The following USP34 variants were observed in gnomAD, a reference collection of about 807,000 sequenced individuals.
USP34 encodes ubiquitin carboxyl-terminal hydrolase 34.
Under a neutral mutation model 460.3 loss-of-function variants are expected in USP34, and 70 were observed. The ratio of observed to expected loss-of-function variants is 0.15; its 90% CI spans 0.13 to 0.19. The LOEUF is 0.19. Among genes scored for constraint, USP34 ranks in the 10% least tolerant of loss-of-function variants. The probability of loss-of-function intolerance (pLI) is 1.00; values close to 1 mark genes in which losing one functional copy is unlikely to be tolerated. For missense variants in USP34, 3,985 were observed against 4,236.2 expected (o/e 0.94, Z 1.65); for synonymous variants, 1,647 against 1,405.3 (o/e 1.17, Z -3.85).
intron 14 of USP34, 46 bp downstream of exon 14, chr2:61,348,710 A>T (rs778989176): frequency 6.3e-7 from 1 of 1,585,790 alleles, no homozygotes; most frequent in Non-Finnish European, 8.6e-7. Flanking sequence ...TAAACACGCC[A>T]GAAAGCCAAA....
chr2:61,306,721 T>C (rs1280600577), intron 27 of USP34, among the ~76,000 whole-genome samples: 1 of 152,172 alleles, frequency 6.6e-6, no homozygotes, highest in East Asian at 1.9e-4. Flanking sequence ...AAAATGCTCA[T>C]CATCACTGGC....
At chr2:61,468,148 T>C (rs1350220278) in intron 1 of USP34, among the ~76,000 whole-genome samples, 1 of 152,128 alleles carries the variant, frequency 6.6e-6, no homozygotes, top group East Asian at 1.9e-4. Context: ...AAACAACTTT[T>C]AATAGTGTGG....
intron 67 of USP34, among the ~76,000 whole-genome samples, chr2:61,218,006 T>C (rs554320658): frequency 6.6e-6 from 1 of 152,004 alleles, no homozygotes; most frequent in African/African-American, 2.4e-5. Flanking sequence ...AAAGGATATA[T>C]AATTTTTAAG....
At chr2:61,317,822 T>G (rs1439056338) in intron 22 of USP34, 55 bp from the exon 23 acceptor site, 3 of 1,309,602 alleles carry the variant, frequency 2.3e-6, no homozygotes, top group Middle Eastern at 1.9e-4. Context: ...ATTCACAGAT[T>G]TTATTAAATT....
At chr2:61,355,102 C>T (rs564045024) in intron 10 of USP34, among the ~76,000 whole-genome samples, 31 of 152,218 alleles carry the variant, frequency 2.0e-4, no homozygotes, top group African/African-American at 7.0e-4. Context: ...AAACCCAGCA[C>T]GAATATGCAT....
chr2:61,401,162 A>AT (rs1257092641), intron 3 of USP34, among the ~76,000 whole-genome samples: 1 of 151,478 alleles, frequency 6.6e-6, no homozygotes, highest in African/African-American at 2.4e-5. Flanking sequence ...AAAAAAAAAA[A>AT]AAAAAAATTA....
At chr2:61,292,058 A>C (rs1689870804) in intron 33 of USP34, among the ~76,000 whole-genome samples, 1 of 152,180 alleles carries the variant, frequency 6.6e-6, no homozygotes, top group Admixed American at 6.5e-5. Flanking sequence ...GCCTAGGGCT[A>C]AAGCGTTTAG....
At chr2:61,463,876 T>C (rs1470495176) in intron 1 of USP34, among the ~76,000 whole-genome samples, 1 of 151,316 alleles carries the variant, frequency 6.6e-6, no homozygotes, top group African/African-American at 2.4e-5. Context: ...GATTAAGTCC[T>C]GTGGTTCCAC....
At chr2:61,205,233 T>C (rs1687083753) in intron 72 of USP34, among the ~76,000 whole-genome samples, 1 of 152,198 alleles carries the variant, frequency 6.6e-6, no homozygotes, top group Admixed American at 6.5e-5. Flanking sequence ...TCAAAGTTCC[T>C]TTGCTTTGAG....
rs147409100 is a variant in USP34 at position 61,295,474 on chromosome 2, T to C, written c.4255-184A>G. 5.7e-3 allele frequency among the ~76,000 whole-genome samples: 863 copies of C among 152,302 alleles called. 8 individuals carry two copies. Among genetic ancestry groups the C allele is most frequent in the African/African-American group, 0.019 (808 of 41,560 alleles). On this transcript the variant is annotated intron_variant, in intron 30 of 79. Transcript: ENST00000398571. ...GTATGCTTAAAACATCAATTATGCA[T>C]TAAATTTTCTGAAAATAAACCCAAT...
At chr2:61,213,849 A>G (rs1042635206) in intron 68 of USP34, among the ~76,000 whole-genome samples, 6 of 152,216 alleles carry the variant, frequency 3.9e-5, no homozygotes, top group African/African-American at 1.4e-4. Flanking sequence ...ATGCAACTTT[A>G]ACTTCACCCT....
chr2:61,360,796 C>A (rs781308038), intron 10 of USP34, among the ~76,000 whole-genome samples: 9 of 152,136 alleles, frequency 5.9e-5, no homozygotes, highest in Non-Finnish European at 1.2e-4. Context: ...GCTGGGACTA[C>A]AGGGACGTAC....
chr2:61,245,918 A>AATC, intron 50 of USP34, among the ~76,000 whole-genome samples: 1 of 152,332 alleles, frequency 6.6e-6, no homozygotes, highest in East Asian at 1.9e-4. Flanking sequence ...TAACTTGATA[A>AATC]AAGGATAAAA....
In USP34 at chr2:61,470,712, C is replaced by A. The variant is rs374360822; in HGVS notation, c.-20G>T. 31 of 1,588,238 alleles carry A rather than the reference C, an allele frequency of 2.0e-5. No homozygotes were observed. The highest frequency in any genetic ancestry group is 3.4e-5 in the Admixed American group (2 of 58,388). ...GCACATCGTTCGGCCGCCGCCCCCC[C>A]CCTCCCCCGCTTCGGATCACACTGA... is the stretch of plus-strand genomic sequence containing the variant. On this transcript the variant is annotated 5_prime_UTR_variant, in exon 1 of 80. Coordinates refer to ENST00000398571, the MANE Select transcript of USP34 (RefSeq NM_014709.4).
At chr2:61,216,882 C>T (rs192103889) in intron 67 of USP34, among the ~76,000 whole-genome samples, 42 of 150,046 alleles carry the variant, frequency 2.8e-4, no homozygotes, top group African/African-American at 9.1e-4. Context: ...TGCAGCACTA[C>T]ATCCCAGCCT....
chr2:61,421,797 A>ACG (rs374251365), intron 1 of USP34, among the ~76,000 whole-genome samples: 15,061 of 147,304 alleles, frequency 0.1, 970 homozygotes, highest in East Asian at 0.25. Flanking sequence ...ACACACACAC[A>ACG]CGCGCGCGCG....
intron 58 of USP34, among the ~76,000 whole-genome samples, chr2:61,230,237 A>C (rs1687852922): frequency 6.6e-6 from 1 of 152,190 alleles, no homozygotes. Context: ...ACTATAAAAA[A>C]ACAGTTTACC....
intron 2 of USP34, chr2:61,417,282 A>C (rs1694224563): frequency 3.5e-6 from 3 of 864,774 alleles, no homozygotes; most frequent in Non-Finnish European, 3.8e-6. Flanking sequence ...CTATACAACA[A>C]ACAGGCCGCA....
chr2:61,309,761 A>T (rs1480262258), intron 27 of USP34, among the ~76,000 whole-genome samples: 1 of 152,184 alleles, frequency 6.6e-6, no homozygotes, highest in Non-Finnish European at 1.5e-5. Context: ...AATTCTATGA[A>T]GATACTACTG....
Sources: allele counts gnomAD v4.1 joint callset (sites outside exome capture counted in the v4.1 genomes callset), GRCh38; gene constraint gnomAD v4.1.1; transcripts MANE v1.5; gene names NCBI Gene and HGNC (gene_info 2026-07-23, HGNC 2026-07-21).